The following INTS9 variants were observed in gnomAD, a reference collection of about 807,000 sequenced individuals.
INTS9 encodes protein related to CPSF subunits of 74 kDa.
A neutral mutation model predicts 79.7 loss-of-function variants in INTS9; 55 were observed. That is an observed-to-expected ratio of 0.69 (90% CI 0.56 to 0.86). The LOEUF is 0.86. Among genes scored for constraint, INTS9 ranks in the 40% least tolerant of loss-of-function variants. The pLI is 0.00. For missense variants in INTS9, 721 were observed against 831.5 expected (o/e 0.87, Z 1.64); for synonymous variants, 319 against 325.2 (o/e 0.98, Z 0.20).
intron 8 of INTS9, among the ~76,000 whole-genome samples, chr8:28,803,387 T>C (rs1804631781): frequency 6.6e-6 from 1 of 152,230 alleles, no homozygotes; most frequent in Non-Finnish European, 1.5e-5. Context: ...GCAGCTTCAA[T>C]AATCAAAAGT....
At chr8:28,878,904 C>G (rs991370942) in intron 1 of INTS9, among the ~76,000 whole-genome samples, 1 of 151,488 alleles carries the variant, frequency 6.6e-6, no homozygotes, top group African/African-American at 2.4e-5. Flanking sequence ...CGCTTGAGCC[C>G]GGGAGGTAGA....
At chr8:28,868,070 A>G (rs115521769) in intron 1 of INTS9, among the ~76,000 whole-genome samples, 1,741 of 152,326 alleles carry the variant, frequency 0.011, 33 homozygotes, top group African/African-American at 0.04. Flanking sequence ...CACAGTATGA[A>G]AGGCATTGTC....
At position 28,793,790 on chromosome 8, in the gene INTS9, A is replaced by AC; in HGVS notation, c.1037+16_1037+17insG. 1 of 1,529,556 alleles carries AC rather than the reference A, an allele frequency of 6.5e-7. No individual in the cohort carries two copies. The highest frequency in any genetic ancestry group is 8.8e-7 in the Non-Finnish European group (1 of 1,137,546). 94.7% of individuals were successfully genotyped at this position (1,529,556 alleles called of 1,614,324 possible). A position where few individuals can be genotyped will look rare whatever the true frequency, so the allele number is the denominator to read the frequency against. On this transcript the variant is annotated intron_variant, in intron 10 of 16. Transcript: ENST00000521022. ...TCAAATAAAATTCACAAAAAAAAAA[A>AC]AAAACCACGGACATACCACTCAGCA...
chr8:28,839,766 T>C (rs1204168982), intron 4 of INTS9, among the ~76,000 whole-genome samples: 7 of 152,128 alleles, frequency 4.6e-5, no homozygotes, highest in South Asian at 2.1e-4. Flanking sequence ...GGATCCCTTC[T>C]TTACACCTTA....
rs778908188 is a variant in INTS9, at chr8:28,845,255, T to G, written c.261+1492A>C. ...ACTAGTTTGTAAATTTCATGAGGAT[T>G]GGGACTAAGGCTGCATGGCTCACCC... On this transcript the variant is annotated intron_variant, in intron 4 of 16. Transcript: ENST00000521022. Among the ~76,000 whole-genome samples, 19 of 152,222 alleles carry G rather than the reference T, an allele frequency of 1.2e-4. 1 individual carries two copies. Among genetic ancestry groups the G allele is most frequent in the Non-Finnish European group, 2.6e-4 (18 of 68,040 alleles).
chr8:28,796,088 T>C (rs1245130089), intron 9 of INTS9, among the ~76,000 whole-genome samples: 2 of 152,188 alleles, frequency 1.3e-5, no homozygotes, highest in Non-Finnish European at 2.9e-5. Context: ...AGCGGGCGGA[T>C]TGCCTGAGGT....
At chr8:28,813,984 C>G (rs1041844208) in intron 6 of INTS9, among the ~76,000 whole-genome samples, 1 of 151,646 alleles carries the variant, frequency 6.6e-6, no homozygotes, top group Non-Finnish European at 1.5e-5. Context: ...TGGTCTCAAT[C>G]TCCTGACCTT....
At chr8:28,858,907 G>A (rs558291703) in intron 2 of INTS9, among the ~76,000 whole-genome samples, 2 of 152,284 alleles carry the variant, frequency 1.3e-5, no homozygotes, top group South Asian at 2.1e-4. Flanking sequence ...AATTTCCTAA[G>A]GCAAAGTCTT....
intron 8 of INTS9, among the ~76,000 whole-genome samples, chr8:28,810,649 AT>A (rs1294766415): frequency 1.3e-5 from 2 of 152,138 alleles, no homozygotes; most frequent in Non-Finnish European, 2.9e-5. Context: ...AACAAATGTA[AT>A]ATGGACTTCC....
intron 1 of INTS9, among the ~76,000 whole-genome samples, chr8:28,888,786 G>A (rs1281810921): frequency 2.0e-5 from 3 of 152,108 alleles, no homozygotes; most frequent in Admixed American, 6.5e-5. Context: ...CTCTGACTTC[G>A]CAGAAAACAG....
Position 28,837,732 on chromosome 8 carries a change from A to G in INTS9, c.306T>C (p.Ser102=). 1 of 1,613,978 alleles carries G rather than the reference A, an allele frequency of 6.2e-7. No homozygotes were observed. The highest frequency in any genetic ancestry group is 8.5e-7 in the Non-Finnish European group (1 of 1,179,850). ...DLSTVDVILI[S]NYHCMMALPY... The stretch of plus-strand genomic sequence containing the variant: ...GCAGCGCCATCATACAGTGATAGTT[A>G]GAGATGAGAATCACATCTACTGTAG... The change falls in exon 5 of 17, where the codon TCT becomes TCC. Residue 102 remains serine (S), a synonymous_variant. Transcript: ENST00000521022.
intron 4 of INTS9, among the ~76,000 whole-genome samples, chr8:28,846,086 C>T (rs1365397273): frequency 2.0e-5 from 3 of 152,174 alleles, no homozygotes; most frequent in East Asian, 1.9e-4. Flanking sequence ...TTCTCATGAA[C>T]CTGGGAGCAG....
intron 4 of INTS9, among the ~76,000 whole-genome samples, chr8:28,842,912 T>A (rs1365078793): frequency 1.3e-5 from 2 of 152,190 alleles, no homozygotes; most frequent in Admixed American, 6.5e-5. Context: ...GAGTACTGTG[T>A]GTGATGAGGC....
At chr8:28,836,022 C>T (rs1022712751) in intron 5 of INTS9, among the ~76,000 whole-genome samples, 1 of 152,102 alleles carries the variant, frequency 6.6e-6, no homozygotes, top group Non-Finnish European at 1.5e-5. Context: ...GTTGGCCAGG[C>T]TGGTCTTGAA....
intron 6 of INTS9, among the ~76,000 whole-genome samples, chr8:28,830,931 C>T (rs1487588177): frequency 6.6e-6 from 1 of 152,102 alleles, no homozygotes; most frequent in Admixed American, 6.5e-5. Flanking sequence ...TTTTTGCCCA[C>T]CAGGTGGGCA....
chr8:28,853,722 A>G (rs1259935170), intron 2 of INTS9, among the ~76,000 whole-genome samples: 2 of 152,002 alleles, frequency 1.3e-5, no homozygotes, highest in Admixed American at 6.6e-5. Context: ...CAAGTAATCT[A>G]TTGCCTAGGA....
chr8:28,886,228 C>T lies in INTS9; in HGVS notation c.9+3646G>A, dbSNP rs535033114. ...AAACTTAAAAAAAATTTTTTTTTAACCAATAACCTTAAAAACTTTTTTTTG... is the reference window on the plus strand; with the variant it reads ...AAACTTAAAAAAAATTTTTTTTTAATCAATAACCTTAAAAACTTTTTTTTG... On this transcript the variant is annotated intron_variant, in intron 1 of 16. Coordinates refer to ENST00000521022, the MANE Select transcript of INTS9 (RefSeq NM_018250.4). Among the ~76,000 whole-genome samples the T allele has an allele frequency of 2.0e-5, 3 of 152,230 alleles. 1 individual carries two copies. Among genetic ancestry groups the T allele is most frequent in the South Asian group, 4.1e-4 (2 of 4,822 alleles).
At chr8:28,884,949 G>A (rs1477822321) in intron 1 of INTS9, among the ~76,000 whole-genome samples, 3 of 152,178 alleles carry the variant, frequency 2.0e-5, no homozygotes, top group Admixed American at 2.0e-4. Context: ...AACACTCTCA[G>A]ATCCAAGGTG....
At chr8:28,857,281 C>T (rs1251958368) in intron 2 of INTS9, among the ~76,000 whole-genome samples, 1 of 152,082 alleles carries the variant, frequency 6.6e-6, no homozygotes, top group Non-Finnish European at 1.5e-5. Context: ...CCAAAGTATA[C>T]AGAGAAAGAA....
Sources: gnomAD v4.1 joint callset for allele counts (sites outside exome capture counted in the v4.1 genomes callset) on GRCh38, gnomAD v4.1.1 for gene constraint, MANE v1.5 for transcripts, NCBI Gene and HGNC (gene_info 2026-07-23, HGNC 2026-07-21) for gene names.